TECPR1: variants seen among roughly 807,000 people sequenced by gnomAD.
The protein encoded by TECPR1 is tectonin beta-propeller repeat containing 1.
In TECPR1, 122 loss-of-function variants were observed where a neutral mutation model predicts 162.4. That is an observed-to-expected ratio of 0.75 (90% confidence interval 0.65 to 0.87). The LOEUF (loss-of-function observed/expected upper bound fraction) is 0.87. TECPR1 is among the 40% of genes least tolerant of loss of function. TECPR1 has a pLI of 0.00. For synonymous variants in TECPR1, 642 were observed against 670.6 expected (o/e 0.96, Z 0.66); for missense variants, 1,432 against 1,618.2 (o/e 0.88, Z 1.97).
In TECPR1 at chr7:98,231,016, T is replaced by A; in HGVS notation, c.2227A>T (p.Ser743Cys). The A allele has an allele frequency of 1.2e-6, 2 of 1,612,842 alleles. No homozygotes were observed. ...GCCTCCAGGTCTGGGCTGGGCTCGC[T>A]CACGAAGATGTCCCCCTTGCAGGTG... ...SITCKGDIFV[S>C]EPSPDLEAHE... Residue 743 changes from serine to cysteine, a missense_variant, in exon 15 of 26, where the codon AGC (serine) becomes TGC (cysteine). By Grantham distance (112) the Ser-to-Cys change is moderately radical. Coordinates refer to ENST00000447648, the MANE Select transcript of TECPR1 (RefSeq NM_015395.3).
rs142438550 is a variant in TECPR1 at position 98,230,121 on chromosome 7, C to T, written c.2282+840G>A. 4.0e-3 allele frequency among the ~76,000 whole-genome samples: 606 copies of T among 151,956 alleles called. 3 individuals carry two copies. Among genetic ancestry groups the T allele is most frequent in the African/African-American group, 0.014 (575 of 41,444 alleles). The stretch of plus-strand genomic sequence containing the variant: ...AAGTGATCTTCCCACCTCAGCCCTC[C>T]GAGCAGCTGGAACTACAAGTGCATG... On this transcript the variant is annotated intron_variant, in intron 15 of 25. Transcript: ENST00000447648.
chr7:98,239,992 C>T (rs1169368345), intron 8 of TECPR1, among the ~76,000 whole-genome samples: 2 of 151,938 alleles, frequency 1.3e-5, no homozygotes, highest in East Asian at 3.9e-4. Flanking sequence ...CGCCTGTAGC[C>T]CCGCTACGAG....
chr7:98,228,986 C>T, intron 16 of TECPR1, 53 bp downstream of exon 16: 1 of 1,572,242 alleles, frequency 6.4e-7, no homozygotes, highest in Non-Finnish European at 8.6e-7. Flanking sequence ...CAGACGGGGA[C>T]TAGAGGAAAG....
Position 98,232,049 on chromosome 7 carries a change from C to T in TECPR1, c.1819-90G>A, listed in dbSNP as rs565676747. On this transcript the variant is annotated intron_variant, in intron 12 of 25. Coordinates refer to ENST00000447648, the MANE Select transcript of TECPR1 (RefSeq NM_015395.3). The surrounding 1 kb of genome is among the most constrained non-coding windows in gnomAD (Gnocchi z 4.6). ...GGCTGGGGGTGCCCAGAGGAGGAGG[C>T]AGGGCTGGGGTAGGGCCCACCCAGC... 90 of 1,445,480 alleles carry T rather than the reference C, an allele frequency of 6.2e-5. No individual in the cohort carries two copies. In the East Asian group the frequency reaches 2.2e-3, roughly 35 times the overall value. The allele number at this position is 1,445,480 out of a possible 1,614,324, so 89.5% of individuals were successfully genotyped here. A position where few individuals can be genotyped will look rare whatever the true frequency, so the allele number is the denominator to read the frequency against.
intron 21 of TECPR1, chr7:98,222,724 G>A (rs557913387): frequency 2.1e-4 from 171 of 802,240 alleles, no homozygotes; most frequent in Admixed American, 6.0e-4. Flanking sequence ...CAGGGAAAGC[G>A]CCCCCGTGGG....
In TECPR1 at chr7:98,224,781, C is replaced by T; in HGVS notation, c.2690+20G>A. ...ACATTCAGGACCCAGCCCGAAGGCCCTGTGCAGGGAGAGGCTTACGCAGGG... is the reference window on the plus strand; with the variant it reads ...ACATTCAGGACCCAGCCCGAAGGCCTTGTGCAGGGAGAGGCTTACGCAGGG... On this transcript the variant is annotated intron_variant, in intron 19 of 25. Transcript: ENST00000447648. 6.4e-7 allele frequency: 1 copy of T among 1,569,506 alleles called. No individual in the cohort carries two copies. Among genetic ancestry groups the T allele is most frequent in the Non-Finnish European group, 8.6e-7 (1 of 1,157,676 alleles).
At chr7:98,247,491 C>T (rs1196196386) in intron 2 of TECPR1, among the ~76,000 whole-genome samples, 2 of 152,082 alleles carry the variant, frequency 1.3e-5, no homozygotes, top group Non-Finnish European at 2.9e-5. Flanking sequence ...TTAGTTGAAT[C>T]TCGAAAGATA....
chr7:98,225,520 C>T (rs1220461104), intron 17 of TECPR1, among the ~76,000 whole-genome samples: 3 of 148,210 alleles, frequency 2.0e-5, no homozygotes, highest in African/African-American at 7.5e-5. Flanking sequence ...TCCAGCCTGG[C>T]GACAGAGCAA....
chr7:98,250,470 T>G (rs1292120009), intron 2 of TECPR1, among the ~76,000 whole-genome samples: 1 of 150,900 alleles, frequency 6.6e-6, no homozygotes, highest in Non-Finnish European at 1.5e-5. Context: ...TCTGTAAAAA[T>G]AAAAAGTTAA....
rs775403922 is a variant in TECPR1 at position 98,229,109 on chromosome 7, C to T, written c.2340G>A (p.Val780=). ...LRMVEANSRG[V]VWGIGYDHTA... Reference sequence around the variant, plus strand: ...TGTGGTCATAGCCGATGCCCCACACCACGCCCCGGCTGTTGGCCTCCACCA... The same window carrying T: ...TGTGGTCATAGCCGATGCCCCACACTACGCCCCGGCTGTTGGCCTCCACCA... The change falls in exon 16 of 26, where the codon GTG becomes GTA. Residue 780 remains valine, a synonymous_variant. Coordinates refer to ENST00000447648, the MANE Select transcript of TECPR1 (RefSeq NM_015395.3). The T allele has an allele frequency of 2.5e-6, 4 of 1,573,502 alleles. No individual in the cohort carries two copies. Among genetic ancestry groups the T allele is most frequent in the Admixed American group, 1.9e-5 (1 of 53,570 alleles).
At chr7:98,228,529 C>T (rs897828591) in intron 16 of TECPR1, 2 of 238,964 alleles carry the variant, frequency 8.4e-6, no homozygotes, top group Admixed American at 9.4e-5. Context: ...AGACAGAGGT[C>T]ATTCCTGCCT....
intron 20 of TECPR1, 88 bp downstream of exon 20, chr7:98,223,574 T>C: frequency 1.4e-6 from 2 of 1,439,732 alleles, no homozygotes; most frequent in Middle Eastern, 1.9e-4. Context: ...CCAGGAGATC[T>C]GGCCCGGGGT....
intron 23 of TECPR1, among the ~76,000 whole-genome samples, chr7:98,219,531 T>C (rs762641372): frequency 1.3e-5 from 2 of 151,996 alleles, no homozygotes; most frequent in Non-Finnish European, 2.9e-5. Context: ...CTCAAACAAA[T>C]CAGCACACAC....
chr7:98,236,821 C>T lies in TECPR1; in HGVS notation c.1136G>A (p.Arg379Gln), dbSNP rs369439554. ...GCCAGAGTGTGACCGGTCACACTCT[C>T]GGGCCGCGATGATGGCTTTCCAGGT... ...GKTWKAIIAA[R>Q]ECDRSHSGSS... is the part of the protein sequence containing the mutation. The change falls in exon 10 of 26, where the codon CGA becomes CAA. Residue 379 changes from arginine (R) to glutamine (Q), a missense_variant. Coordinates refer to ENST00000447648, the MANE Select transcript of TECPR1 (RefSeq NM_015395.3). The T allele has an allele frequency of 3.0e-5, 47 of 1,587,490 alleles. No individual in the cohort carries two copies. The highest frequency in any genetic ancestry group is 2.3e-4 in the Admixed American group (13 of 56,286).
intron 10 of TECPR1, 137 bp downstream of exon 10, chr7:98,236,639 T>C: frequency 8.5e-7 from 1 of 1,175,244 alleles, no homozygotes; most frequent in Non-Finnish European, 1.2e-6. Flanking sequence ...CTTTTGTGAG[T>C]GGAGACCCAT....
intron 15 of TECPR1, 38 bp downstream of exon 15, chr7:98,230,923 C>T: frequency 1.3e-6 from 2 of 1,588,922 alleles, no homozygotes; most frequent in Non-Finnish European, 8.6e-7. Context: ...CGGGGTGAGG[C>T]CAGGCCCCAG....
intron 8 of TECPR1, among the ~76,000 whole-genome samples, chr7:98,238,923 G>A (rs1798673784): frequency 6.6e-6 from 1 of 152,180 alleles, no homozygotes; most frequent in Admixed American, 6.5e-5. Flanking sequence ...TATTTGAATT[G>A]AGTTGGTCCC....
chr7:98,226,773 A>C (rs1798288835), intron 17 of TECPR1: 1 of 638,106 alleles, frequency 1.6e-6, no homozygotes, highest in African/African-American at 1.9e-5. Flanking sequence ...GTCTCTACTA[A>C]AAATACAAAA....
chr7:98,245,050 G>A lies in TECPR1; in HGVS notation c.243C>T (p.Gly81=), dbSNP rs140315542. The part of the protein sequence containing the change: ...AYENQRWNPM[G]GFCEKLLLSD... ...TCAGCAGGAGCTTCTCACAGAAGCC[G>A]CCCATGGGATTCCAGCGCTGAGGGC... The change falls in exon 4 of 26, where the codon GGC becomes GGT. Residue 81 remains glycine, a synonymous_variant. Transcript: ENST00000447648. 221 of 1,591,834 alleles carry A rather than the reference G, an allele frequency of 1.4e-4. No homozygotes were observed. Among genetic ancestry groups the A allele is most frequent in the Admixed American group, 3.3e-4 (19 of 56,722 alleles).
Sources: gnomAD v4.1 joint callset for allele counts (sites outside exome capture counted in the v4.1 genomes callset) on GRCh38, gnomAD v4.1.1 for gene constraint, Gnocchi (gnomAD v3.1) non-coding constraint, MANE v1.5 for transcripts, NCBI Gene and HGNC (gene_info 2026-07-23, HGNC 2026-07-21) for gene names.